Variants in JSRP1 observed in about 807,000 individuals in gnomAD.
The protein encoded by JSRP1 is junctional sarcoplasmic reticulum protein 1, also known as 2310032K21Rik.
A neutral mutation model predicts 21.4 loss-of-function variants in JSRP1; 29 were observed. That is an observed-to-expected ratio of 1.36 (90% CI 1.01 to 1.85). The LOEUF (loss-of-function observed/expected upper bound fraction) is 1.85. JSRP1 is among the 40% of genes most tolerant of loss of function. The pLI is 0.00. For synonymous variants in JSRP1, 221 were observed against 206.1 expected (o/e 1.07, Z -0.62); for missense variants, 531 against 461.5 (o/e 1.15, Z -1.38).
intron 5 of JSRP1, 88 bp from the exon 6 acceptor site, chr19:2,253,091 C>T: frequency 1.1e-6 from 1 of 945,608 alleles, no homozygotes; most frequent in Non-Finnish European, 1.6e-6. Context: ...AGCCCCCCTC[C>T]CTGGACAGTT....
chr19:2,255,819 C>T (rs2025138526), intron 1 of JSRP1, among the ~76,000 whole-genome samples: 2 of 152,212 alleles, frequency 1.3e-5, no homozygotes, highest in South Asian at 4.1e-4. Context: ...GCCACCCTGA[C>T]TTGCCATTCT....
intron 2 of JSRP1, 69 bp downstream of exon 2, chr19:2,255,137 G>T: frequency 1.9e-6 from 2 of 1,059,756 alleles, no homozygotes; most frequent in South Asian, 2.9e-5. Context: ...TCTAGTCTCT[G>T]AAGATGGGCC....
At position 2,254,443 on chromosome 19, in the gene JSRP1, A is replaced by G. The variant is rs1206101397; in HGVS notation, c.147+2T>C. On this transcript the variant is annotated splice_donor_variant, in intron 3 of 6. Coordinates refer to ENST00000300961, the MANE Select transcript of JSRP1 (RefSeq NM_144616.4). LOFTEE classifies it high-confidence loss of function. The stretch of plus-strand genomic sequence containing the variant: ...TAAAGGCTGAGGGTCCCAGCTACTC[A>G]CGTGGGGCACGCTGCCGGAGTCGGC... 1 of 1,612,734 alleles carries G rather than the reference A, an allele frequency of 6.2e-7. No individual in the cohort carries two copies. Among genetic ancestry groups the G allele is most frequent in the Admixed American group, 1.7e-5 (1 of 60,012 alleles).
At chr19:2,254,092 C>A in intron 4 of JSRP1, 95 bp downstream of exon 4, 5 of 993,796 alleles carry the variant, frequency 5.0e-6, no homozygotes, top group Non-Finnish European at 7.4e-6. Context: ...AACCAGGACA[C>A]CACCCTCCAA....
Position 2,255,672 on chromosome 19 carries a change from G to A in JSRP1, c.-30-328C>T, listed in dbSNP as rs973087398. ...ATGAGTCCCAGACGCACCCCAAACC[G>A]AAACTCTTGGCCCCAGAGTCAGCTC... On this transcript the variant is annotated intron_variant, in intron 1 of 6. Transcript: ENST00000300961. Among the ~76,000 whole-genome samples, 5 of 152,180 alleles carry A rather than the reference G, an allele frequency of 3.3e-5. 1 individual carries two copies. Among genetic ancestry groups the A allele is most frequent in the Non-Finnish European group, 7.4e-5 (5 of 68,022 alleles).
At position 2,252,762 on chromosome 19, in the gene JSRP1, G is replaced by C. The variant is rs1466773645; in HGVS notation, c.563C>G (p.Pro188Arg). The C allele has an allele frequency of 6.2e-7, 1 of 1,612,270 alleles. No individual in the cohort carries two copies. Among genetic ancestry groups the C allele is most frequent in the Non-Finnish European group, 8.5e-7 (1 of 1,179,780 alleles). The change falls in exon 7 of 7, where the codon CCG becomes CGG. Residue 188 changes from proline (P) to arginine (R), a missense_variant. Pro to Arg is a moderately radical substitution (Grantham distance 103). Transcript: ENST00000300961. ...KFEAQAPPSA[P>R]PAPRAEAEVR... ...CTCTGCCTCGGCCCGGGGCGCAGGC[G>C]GCGCTGATGGAGGCGCCTGGGCCTC...
chr19:2,254,139 C>T, intron 4 of JSRP1, 48 bp downstream of exon 4: 2 of 1,411,696 alleles, frequency 1.4e-6, no homozygotes, highest in Non-Finnish European at 1.9e-6. Flanking sequence ...GAGCCTCACA[C>T]CAGTCCGTTC....
rs1229488103 is a variant in JSRP1, at chr19:2,254,231, C to G, written c.218G>C (p.Arg73Thr). 1 of 1,605,802 alleles carries G rather than the reference C, an allele frequency of 6.2e-7. No homozygotes were observed. Among genetic ancestry groups the G allele is most frequent in the African/African-American group, 1.3e-5 (1 of 74,630 alleles). Reference protein sequence around the residue: ...PKKMEKEPAARGTPGTGKERL... With the variant: ...PKKMEKEPAATGTPGTGKERL... ...CTCCTTCCCCGTTCCTGGGGTCCCCCTGGCGGCAGGCTCTTTTTCCATCTT... is the reference window on the plus strand; with the variant it reads ...CTCCTTCCCCGTTCCTGGGGTCCCCGTGGCGGCAGGCTCTTTTTCCATCTT... Residue 73 changes from arginine (R) to threonine (T), a missense_variant, in exon 4 of 7, where the codon AGG becomes ACG. By Grantham distance (71) the Arg-to-Thr change is moderately conservative. Coordinates refer to ENST00000300961, the MANE Select transcript of JSRP1 (RefSeq NM_144616.4).
At chr19:2,253,123 G>A (rs2025089068) in intron 5 of JSRP1, 120 bp from the exon 6 acceptor site, 14 of 705,070 alleles carry the variant, frequency 2.0e-5, no homozygotes, top group Non-Finnish European at 3.1e-5. Flanking sequence ...CCCCCGGTAC[G>A]GCTGAGACTA....
In JSRP1 at chr19:2,255,553, C is replaced by T. The variant is rs377160010; in HGVS notation, c.-30-209G>A. Among the ~76,000 whole-genome samples the T allele has an allele frequency of 1.3e-3, 200 of 152,350 alleles. No homozygotes were observed. In the Middle Eastern group the frequency reaches 0.014, roughly 10 times the overall value. ...TGCCTGCCCTGGGACCCCTCCCTAC[C>T]GCCCAGCCTCACTGGGGTCCAGTAT... On this transcript the variant is annotated intron_variant, in intron 1 of 6. Transcript: ENST00000300961.
In JSRP1 at chr19:2,252,755, C is replaced by A. The variant is rs753413085; in HGVS notation, c.570G>T (p.Ala190=). The A allele has an allele frequency of 3.1e-6, 5 of 1,612,424 alleles. No homozygotes were observed. The highest frequency in any genetic ancestry group is 4.2e-6 in the Non-Finnish European group (5 of 1,179,844). ...EAQAPPSAPP[A]PRAEAEVRPK... is the part of the protein sequence containing the mutation. ...GTCTGACCTCTGCCTCGGCCCGGGGCGCAGGCGGCGCTGATGGAGGCGCCT... is the reference window on the plus strand; with the variant it reads ...GTCTGACCTCTGCCTCGGCCCGGGGAGCAGGCGGCGCTGATGGAGGCGCCT... The change falls in exon 7 of 7, where the codon GCG becomes GCT. Residue 190 remains alanine (A), a synonymous_variant. Coordinates refer to ENST00000300961, the MANE Select transcript of JSRP1 (RefSeq NM_144616.4).
At chr19:2,254,921 A>G (rs2025126046) in intron 2 of JSRP1, among the ~76,000 whole-genome samples, 1 of 151,948 alleles carries the variant, frequency 6.6e-6, no homozygotes, top group Non-Finnish European at 1.5e-5. Flanking sequence ...ATATAAAAAT[A>G]TAAAGAAAGC....
chr19:2,256,216 C>A (rs1452817318), intron 1 of JSRP1, among the ~76,000 whole-genome samples, 167 bp downstream of exon 1: 1 of 152,134 alleles, frequency 6.6e-6, no homozygotes, highest in Non-Finnish European at 1.5e-5. Flanking sequence ...GGGGGAGGGG[C>A]CCAAGAAGCA....
intron 1 of JSRP1, among the ~76,000 whole-genome samples, 183 bp from the exon 2 acceptor site, chr19:2,255,527 A>C (rs1259470372): frequency 6.6e-6 from 1 of 151,940 alleles, no homozygotes; most frequent in African/African-American, 2.4e-5. Context: ...CTGACCCCGC[A>C]TGCCTGCCCT....
rs35356610 is a variant in JSRP1 at position 2,252,627 on chromosome 19, C to T, written c.698G>A (p.Arg233Gln). 2,795 of 1,612,462 alleles carry T rather than the reference C, an allele frequency of 1.7e-3. 46 individuals carry two copies. The African/African-American group carries it at 0.033, about 19-fold the overall frequency. The change falls in exon 7 of 7, where the codon CGG becomes CAG. Residue 233 changes from arginine (R) to glutamine (Q), a missense_variant. Coordinates refer to ENST00000300961, the MANE Select transcript of JSRP1 (RefSeq NM_144616.4). ...VREDRVTLAD[R>Q]GPKERPRREG... ...TCTCCGAGGCCTCTCCTTGGGTCCC[C>T]GGTCTGCGAGGGTCACACGGTCCTC... is the stretch of plus-strand genomic sequence containing the variant.
At position 2,252,683 on chromosome 19, in the gene JSRP1, C is replaced by T; in HGVS notation, c.642G>A (p.Glu214=). The T allele has an allele frequency of 6.2e-7, 1 of 1,612,198 alleles. No individual in the cohort carries two copies. Residue 214 remains glutamate, a synonymous_variant, in exon 7 of 7, where the codon GAG becomes GAA. Coordinates refer to ENST00000300961, the MANE Select transcript of JSRP1 (RefSeq NM_144616.4). ...CGGCCTCTCCGGTGGCCTCGCCGGGCTCCTCTTCGTCGTTCTCTGCAGCCT... is the reference window on the plus strand; with the variant it reads ...CGGCCTCTCCGGTGGCCTCGCCGGGTTCCTCTTCGTCGTTCTCTGCAGCCT... ...SREAAENDEE[E]PGEATGEAVR...
chr19:2,254,271 C>G lies in JSRP1; in HGVS notation c.178G>C (p.Asp60His). 6.2e-7 allele frequency: 1 copy of G among 1,604,764 alleles called. No individual in the cohort carries two copies. The highest frequency in any genetic ancestry group is 8.5e-7 in the Non-Finnish European group (1 of 1,175,092). Residue 60 changes from aspartate (D) to histidine (H), a missense_variant, in exon 4 of 7, where the codon GAC becomes CAC. Physicochemically the swap from Asp to His is moderately conservative, Grantham distance 81 (BLOSUM62 -1). Transcript: ENST00000300961. ...DSQVAEGPSV[D>H]TRPKKMEKEP... ...TTTTCCATCTTCTTGGGCCTGGTGT[C>G]CACACTGGGGCCTTCAGCCACCTGA...
chr19:2,253,724 G>A lies in JSRP1; in HGVS notation c.332C>T (p.Pro111Leu). 1 of 1,489,316 alleles carries A rather than the reference G, an allele frequency of 6.7e-7. No homozygotes were observed. The allele number at this position is 1,489,316 out of a possible 1,614,324, so 92.3% of individuals were successfully genotyped here. Residue 111 changes from proline (P) to leucine (L), a missense_variant, in exon 5 of 7, where the codon CCG (proline) becomes CTG (leucine). Transcript: ENST00000300961. Reference protein sequence around the residue: ...APPLQPPPPPPALSEELPWGD... With the variant: ...APPLQPPPPPLALSEELPWGD... ...CCAGGGCAGCTCCTCGCTCAGGGCC[G>A]GGGGCGGCGGCGGCGGCTGCAGGGG...
Position 2,252,358 on chromosome 19 carries a change from T to A in JSRP1, c.967A>T (p.Lys323Ter), listed in dbSNP as rs750157842. ...DEEQRPGSRQ[K>*]LRAGKGRD ...TCCCGCCCCTTGCCTGCGCGGAGCT[T>A]CTGGCGACTCCCAGGCCGCTGCTCC... Residue 323 changes from lysine to a stop codon, truncating the protein, a stop_gained, in exon 7 of 7, where the codon AAG becomes TAG. Transcript: ENST00000300961. LOFTEE classifies it high-confidence loss of function. 1.4e-5 allele frequency: 21 copies of A among 1,549,322 alleles called. No individual in the cohort carries two copies. The highest frequency in any genetic ancestry group is 1.7e-6 in the Non-Finnish European group (2 of 1,151,576).
Sources: gnomAD v4.1 joint callset for allele counts (sites outside exome capture counted in the v4.1 genomes callset) on GRCh38, gnomAD v4.1.1 for gene constraint, MANE v1.5 for transcripts, NCBI Gene and HGNC (gene_info 2026-07-23, HGNC 2026-07-21) for gene names.